Variants in IMMP2L observed in about 807,000 individuals in gnomAD.
The protein encoded by IMMP2L is mitochondrial inner membrane protease subunit 2.
Under a neutral mutation model 19.3 loss-of-function variants are expected in IMMP2L, and 18 were observed. The ratio of observed to expected loss-of-function variants is 0.93; its 90% CI spans 0.64 to 1.38. The LOEUF is 1.38. Among genes scored for constraint, IMMP2L ranks in the 40% most tolerant of loss-of-function variants. IMMP2L has a pLI of 0.00. For missense variants in IMMP2L, 233 were observed against 218.2 expected (o/e 1.07, Z -0.43); for synonymous variants, 76 against 73.0 (o/e 1.04, Z -0.21).
intron 2 of IMMP2L, among the ~76,000 whole-genome samples, chr7:111,519,506 T>C (rs1846157146): frequency 6.6e-6 from 1 of 152,144 alleles, no homozygotes; most frequent in Non-Finnish European, 1.5e-5. Context: ...CCTCTGCAAA[T>C]TCAAATATAT....
chr7:111,251,611 G>A (rs1209081404), intron 3 of IMMP2L, among the ~76,000 whole-genome samples: 3 of 152,150 alleles, frequency 2.0e-5, no homozygotes, highest in African/African-American at 7.2e-5. Flanking sequence ...GATGGAGCTG[G>A]AAGCAGTTAT....
At chr7:111,493,196 GA>G (rs1227486289) in intron 2 of IMMP2L, among the ~76,000 whole-genome samples, 3 of 152,064 alleles carry the variant, frequency 2.0e-5, no homozygotes, top group African/African-American at 7.2e-5. Flanking sequence ...GGCAATTTAA[GA>G]GTTAGAAATA....
chr7:110,720,830 G>A (rs1010758029), intron 5 of IMMP2L, among the ~76,000 whole-genome samples: 3 of 151,998 alleles, frequency 2.0e-5, no homozygotes, highest in African/African-American at 7.2e-5. Flanking sequence ...TTGCCAACCT[G>A]TTTTTCCAGT....
intron 3 of IMMP2L, among the ~76,000 whole-genome samples, chr7:111,485,566 C>G (rs1842565566): frequency 8.4e-6 from 1 of 119,450 alleles, no homozygotes; most frequent in Non-Finnish European, 1.6e-5. Context: ...CCACTGCACT[C>G]CAGCCTGCGC....
chr7:111,283,861 C>T (rs1409800215), intron 3 of IMMP2L, among the ~76,000 whole-genome samples: 2 of 147,500 alleles, frequency 1.4e-5, no homozygotes, highest in African/African-American at 2.5e-5. Context: ...GTCCCAGCTA[C>T]TTGGGAGGCT....
intron 3 of IMMP2L, among the ~76,000 whole-genome samples, chr7:111,159,060 G>A (rs1804962510): frequency 6.6e-6 from 1 of 152,084 alleles, no homozygotes; most frequent in Non-Finnish European, 1.5e-5. Context: ...AATTTAAAAT[G>A]TTTCTGGCAG....
intron 3 of IMMP2L, among the ~76,000 whole-genome samples, chr7:111,014,193 A>C (rs1585749203): frequency 6.6e-6 from 1 of 152,022 alleles, no homozygotes; most frequent in Non-Finnish European, 1.5e-5. Flanking sequence ...GCAAAACCCC[A>C]AAAATACAAA....
chr7:111,047,857 C>T (rs1205813755), intron 3 of IMMP2L, among the ~76,000 whole-genome samples: 1 of 152,150 alleles, frequency 6.6e-6, no homozygotes, highest in African/African-American at 2.4e-5. Context: ...GTACTCAGCC[C>T]AATTCTTGCA....
intron 3 of IMMP2L, among the ~76,000 whole-genome samples, chr7:110,986,460 A>T (rs1226486901): frequency 6.6e-6 from 1 of 152,148 alleles, no homozygotes; most frequent in African/African-American, 2.4e-5. Flanking sequence ...AAAATGGAAA[A>T]ATCTTAAAGA....
At position 111,199,625 on chromosome 7, in the gene IMMP2L, C is replaced by G. The variant is rs537642214; in HGVS notation, c.240-236060G>C. Reference sequence around the variant, plus strand: ...AGAATGTTAGTCTGATATAACAAACCAATTAGAAGAAGCATAAGCTTTATC... The same window carrying G: ...AGAATGTTAGTCTGATATAACAAACGAATTAGAAGAAGCATAAGCTTTATC... On this transcript the variant is annotated intron_variant, in intron 3 of 5. Transcript: ENST00000405709. Among the ~76,000 whole-genome samples the G allele has an allele frequency of 2.2e-4, 34 of 152,150 alleles. 1 individual carries two copies. The South Asian group carries it at 6.6e-3, about 30-fold the overall frequency.
At chr7:110,706,857 C>T (rs1794723498) in intron 5 of IMMP2L, among the ~76,000 whole-genome samples, 1 of 151,690 alleles carries the variant, frequency 6.6e-6, no homozygotes, top group Non-Finnish European at 1.5e-5. Context: ...TAATTAGGTC[C>T]CACTCGTCAA....
chr7:111,363,929 T>C (rs1263726333), intron 3 of IMMP2L, among the ~76,000 whole-genome samples: 2 of 152,014 alleles, frequency 1.3e-5, no homozygotes, highest in Admixed American at 1.3e-4. Flanking sequence ...ATTTATTGCC[T>C]AGCTGATTAT....
At chr7:110,705,241 TCAAA>T (rs1354479615) in intron 5 of IMMP2L, among the ~76,000 whole-genome samples, 1 of 152,156 alleles carries the variant, frequency 6.6e-6, no homozygotes, top group Middle Eastern at 3.2e-3. Flanking sequence ...CAAAACCTCA[TCAAA>T]CAGTTATATT....
At chr7:110,945,806 CCTTTA>C (rs1274294027) in intron 4 of IMMP2L, among the ~76,000 whole-genome samples, 2 of 152,028 alleles carry the variant, frequency 1.3e-5, no homozygotes, top group African/African-American at 2.4e-5. Flanking sequence ...AGAATCAGAC[CCTTTA>C]CTTTAAAGTA....
intron 2 of IMMP2L, among the ~76,000 whole-genome samples, chr7:111,502,669 C>G (rs371924767): frequency 1.3e-5 from 2 of 151,758 alleles, no homozygotes; most frequent in Non-Finnish European, 2.9e-5. Context: ...AAGAAACTCA[C>G]TCAAAACCAC....
intron 1 of IMMP2L, among the ~76,000 whole-genome samples, chr7:111,523,465 T>G (rs1372882186): frequency 6.6e-6 from 1 of 152,070 alleles, no homozygotes; most frequent in Non-Finnish European, 1.5e-5. Flanking sequence ...TCCCAAATCT[T>G]TAACATGTCA....
chr7:111,029,933 T>A (rs1025881719), intron 3 of IMMP2L, among the ~76,000 whole-genome samples: 5 of 152,128 alleles, frequency 3.3e-5, no homozygotes, highest in Non-Finnish European at 7.4e-5. Flanking sequence ...TTGGGCAATG[T>A]GAAAAGGGAA....
intron 2 of IMMP2L, among the ~76,000 whole-genome samples, chr7:111,510,880 T>C (rs1016892037): frequency 6.6e-6 from 1 of 152,150 alleles, no homozygotes; most frequent in African/African-American, 2.4e-5. Flanking sequence ...CCTGTAAGTC[T>C]AATAAACTTT....
At chr7:110,889,341 C>G (rs769031909) in intron 4 of IMMP2L, among the ~76,000 whole-genome samples, 7 of 152,064 alleles carry the variant, frequency 4.6e-5, no homozygotes, top group Non-Finnish European at 1.0e-4. Flanking sequence ...GCTTGTTTTC[C>G]TGTAACTAGA....
Sources: allele counts gnomAD v4.1 joint callset (sites outside exome capture counted in the v4.1 genomes callset), GRCh38; gene constraint gnomAD v4.1.1; transcripts MANE v1.5; gene names NCBI Gene and HGNC (gene_info 2026-07-23, HGNC 2026-07-21).